The following TTBK2 variants were observed in gnomAD, a reference collection of about 807,000 sequenced individuals.
TTBK2 encodes tau-tubulin kinase 2.
Under a neutral mutation model 110.8 loss-of-function variants are expected in TTBK2, and 28 were observed. The observed-to-expected ratio is 0.25, with a 90% CI of 0.19 to 0.35. The LOEUF (loss-of-function observed/expected upper bound fraction) is 0.35, where lower values mean the gene tolerates loss of function less well. Ranked by LOEUF, TTBK2 falls within the 10% of genes least tolerant of loss-of-function variation. The pLI is 1.00. For missense variants in TTBK2, 1,369 were observed against 1,500.3 expected (o/e 0.91, Z 1.45); for synonymous variants, 532 against 527.3 (o/e 1.01, Z -0.12).
At chr15:42,753,684 A>G (rs141065454) in intron 13 of TTBK2, among the ~76,000 whole-genome samples, 18 of 152,204 alleles carry the variant, frequency 1.2e-4, no homozygotes, top group Admixed American at 2.6e-4. Flanking sequence ...ACATTCCACT[A>G]TCCTGGCCAC....
At chr15:42,883,881 T>C (rs1315825649) in intron 1 of TTBK2, among the ~76,000 whole-genome samples, 1 of 151,716 alleles carries the variant, frequency 6.6e-6, no homozygotes, top group African/African-American at 2.4e-5. Context: ...CCACTGAAAA[T>C]AATAACAAAA....
At chr15:42,878,366 T>G (rs1450492973) in intron 2 of TTBK2, among the ~76,000 whole-genome samples, 183 bp downstream of exon 2, 1 of 152,134 alleles carries the variant, frequency 6.6e-6, no homozygotes, top group Non-Finnish European at 1.5e-5. Context: ...AATTAGGGTA[T>G]AAACAGAGCT....
intron 9 of TTBK2, 61 bp from the exon 10 acceptor site, chr15:42,794,862 A>G (rs752780231): frequency 6.3e-7 from 1 of 1,595,770 alleles, no homozygotes; most frequent in Non-Finnish European, 8.6e-7. Context: ...TTTATTCTAT[A>G]AGAGAAAGCA....
At chr15:42,852,809 T>C (rs1374817344) in intron 3 of TTBK2, among the ~76,000 whole-genome samples, 1 of 151,956 alleles carries the variant, frequency 6.6e-6, no homozygotes, top group Non-Finnish European at 1.5e-5. Flanking sequence ...ACAATGAACA[T>C]CAACAAGGAC....
intron 1 of TTBK2, among the ~76,000 whole-genome samples, chr15:42,882,802 C>T (rs1596019578): frequency 6.6e-6 from 1 of 152,006 alleles, no homozygotes; most frequent in East Asian, 1.9e-4. Flanking sequence ...AGAAAATATC[C>T]TTCAGAGATA....
intron 13 of TTBK2, among the ~76,000 whole-genome samples, chr15:42,771,009 T>C (rs1204414315): frequency 6.6e-6 from 1 of 151,864 alleles, no homozygotes; most frequent in Non-Finnish European, 1.5e-5. Flanking sequence ...AGTCTTGCTC[T>C]GTCGCCCAGG....
chr15:42,867,204 C>T (rs1894408706), intron 3 of TTBK2, among the ~76,000 whole-genome samples: 1 of 149,880 alleles, frequency 6.7e-6, no homozygotes, highest in African/African-American at 2.5e-5. Context: ...AGACATCGCA[C>T]CACTGCACTC....
intron 13 of TTBK2, among the ~76,000 whole-genome samples, chr15:42,754,656 C>G (rs888304450): frequency 2.0e-5 from 3 of 147,252 alleles, no homozygotes; most frequent in Admixed American, 1.3e-4. Context: ...CTCGGCCTCC[C>G]AAAGTGCTGG....
intron 3 of TTBK2, among the ~76,000 whole-genome samples, chr15:42,849,857 G>A (rs1329248255): frequency 6.6e-6 from 1 of 152,132 alleles, no homozygotes; most frequent in Non-Finnish European, 1.5e-5. Context: ...GAGTCCAAAA[G>A]CAACTTTAGG....
At chr15:42,859,233 A>T (rs1894060078) in intron 3 of TTBK2, among the ~76,000 whole-genome samples, 1 of 152,050 alleles carries the variant, frequency 6.6e-6, no homozygotes, top group Admixed American at 6.6e-5. Flanking sequence ...CAGCCTCCTG[A>T]GTAGCTGGGA....
chr15:42,881,678 C>A (rs964974890), intron 1 of TTBK2, among the ~76,000 whole-genome samples: 1 of 151,946 alleles, frequency 6.6e-6, no homozygotes. Context: ...TCGAGACCAG[C>A]CTGGCCAACA....
At chr15:42,790,774 A>G (rs1307541333) in intron 10 of TTBK2, among the ~76,000 whole-genome samples, 2 of 152,032 alleles carry the variant, frequency 1.3e-5, no homozygotes, top group African/African-American at 4.8e-5. Context: ...ATCTCAGCTC[A>G]CTGCAACCTC....
intron 14 of TTBK2, among the ~76,000 whole-genome samples, chr15:42,748,154 G>A (rs1457165366): frequency 2.0e-5 from 3 of 152,058 alleles, no homozygotes; most frequent in Non-Finnish European, 4.4e-5. Context: ...TGCAGAGAAG[G>A]GGGTTAGTTA....
chr15:42,917,908 G>A (rs570901716), intron 1 of TTBK2, among the ~76,000 whole-genome samples: 158 of 152,060 alleles, frequency 1.0e-3, no homozygotes, highest in African/African-American at 3.7e-3. Flanking sequence ...CTATATATTT[G>A]TAAAAGAATA....
At chr15:42,815,949 TAAAAA>T (rs375184494) in intron 7 of TTBK2, among the ~76,000 whole-genome samples, 57 of 37,096 alleles carry the variant, frequency 1.5e-3, no homozygotes, top group East Asian at 9.3e-3. Flanking sequence ...TATATATATT[TAAAAA>T]AAAAATATAT....
intron 3 of TTBK2, among the ~76,000 whole-genome samples, chr15:42,866,579 CT>C (rs1270517598): frequency 6.6e-6 from 1 of 152,154 alleles, no homozygotes; most frequent in African/African-American, 2.4e-5. Context: ...TAACTGACAT[CT>C]ATAGACTACT....
chr15:42,779,201 C>G (rs181048271), intron 11 of TTBK2, among the ~76,000 whole-genome samples: 74 of 152,202 alleles, frequency 4.9e-4, no homozygotes, highest in Admixed American at 3.8e-3. Context: ...GCCAGGAGTT[C>G]AAGACCAGCC....
intron 3 of TTBK2, among the ~76,000 whole-genome samples, chr15:42,856,067 T>C (rs1165103485): frequency 6.6e-6 from 1 of 152,176 alleles, no homozygotes; most frequent in Admixed American, 6.5e-5. Flanking sequence ...ATACTAACTA[T>C]ATTTCAAGGG....
intron 6 of TTBK2, among the ~76,000 whole-genome samples, chr15:42,824,919 GA>G (rs772942666): frequency 6.6e-6 from 1 of 151,694 alleles, no homozygotes. Context: ...CAAATCAGGG[GA>G]AAAAGCAAAT....
Sources: gnomAD v4.1 joint callset for allele counts (sites outside exome capture counted in the v4.1 genomes callset) on GRCh38, gnomAD v4.1.1 for gene constraint, MANE v1.5 for transcripts, NCBI Gene and HGNC (gene_info 2026-07-23, HGNC 2026-07-21) for gene names.